Variants in DNAJC1 observed in about 807,000 individuals in gnomAD.
DNAJC1 encodes dnaJ homolog subfamily C member 1.
Under a neutral mutation model 76.6 loss-of-function variants are expected in DNAJC1, and 58 were observed. That is an observed-to-expected ratio of 0.76 (90% confidence interval 0.61 to 0.94). The LOEUF is 0.94. Among genes scored for constraint, DNAJC1 ranks in the 40% least tolerant of loss-of-function variants. DNAJC1 has a pLI of 0.00. For missense variants in DNAJC1, 689 were observed against 677.3 expected (o/e 1.02, Z -0.19); for synonymous variants, 258 against 267.9 (o/e 0.96, Z 0.36).
At chr10:21,794,922 T>C (rs1834735419) in intron 9 of DNAJC1, among the ~76,000 whole-genome samples, 1 of 152,182 alleles carries the variant, frequency 6.6e-6, no homozygotes, top group African/African-American at 2.4e-5. Flanking sequence ...CATTTTGTAA[T>C]ATCTGTATTC....
At chr10:21,885,306 T>A (rs1014189404) in intron 7 of DNAJC1, among the ~76,000 whole-genome samples, 6 of 152,118 alleles carry the variant, frequency 3.9e-5, no homozygotes, top group African/African-American at 1.4e-4. Flanking sequence ...TAAATATATA[T>A]GCACCCAACA....
chr10:21,940,504 G>A (rs1175453795), intron 1 of DNAJC1, among the ~76,000 whole-genome samples: 1 of 152,112 alleles, frequency 6.6e-6, no homozygotes, highest in African/African-American at 2.4e-5. Flanking sequence ...GAGAGTCAAG[G>A]TCAATAAGAA....
chr10:21,947,376 C>A (rs1779805522), intron 1 of DNAJC1, among the ~76,000 whole-genome samples: 1 of 152,140 alleles, frequency 6.6e-6, no homozygotes, highest in African/African-American at 2.4e-5. Flanking sequence ...GTTCCACTTC[C>A]TCCACCTCTT....
intron 1 of DNAJC1, among the ~76,000 whole-genome samples, chr10:21,962,649 C>CTT (rs775112321): frequency 5.3e-5 from 7 of 131,960 alleles, no homozygotes; most frequent in African/African-American, 1.1e-4. Flanking sequence ...TTTTCTTTTT[C>CTT]TTTTTTTTTT....
chr10:21,863,847 T>G (rs1291052248), intron 8 of DNAJC1, among the ~76,000 whole-genome samples: 1 of 152,156 alleles, frequency 6.6e-6, no homozygotes, highest in Non-Finnish European at 1.5e-5. Context: ...TAAGGGCATC[T>G]GTTAAAAGCC....
chr10:21,834,577 A>C (rs1350289793), intron 8 of DNAJC1, among the ~76,000 whole-genome samples: 1 of 152,174 alleles, frequency 6.6e-6, no homozygotes, highest in African/African-American at 2.4e-5. Flanking sequence ...CTAGTCAAAG[A>C]AAGCAGTGAC....
At chr10:21,819,859 G>A (rs1183814371) in intron 8 of DNAJC1, among the ~76,000 whole-genome samples, 2 of 152,172 alleles carry the variant, frequency 1.3e-5, no homozygotes, top group African/African-American at 2.4e-5. Context: ...GAGCCCAGGA[G>A]GCAGAGGTTG....
rs201992321 is a variant in DNAJC1, at chr10:21,806,111, T to G, written c.979-12A>C. The G allele has an allele frequency of 1.9e-6, 3 of 1,582,168 alleles. No homozygotes were observed. Among genetic ancestry groups the G allele is most frequent in the Non-Finnish European group, 2.6e-6 (3 of 1,164,504 alleles). ...GTCCATTCAGGTGCCTGCAAAACAT[T>G]AAAGAAAATAAAAAAAGATAATTGG... On this transcript the variant is annotated splice_polypyrimidine_tract_variant and intron_variant, in intron 8 of 11. Transcript: ENST00000376980.
At chr10:21,763,292 C>G (rs1428931488) in intron 10 of DNAJC1, among the ~76,000 whole-genome samples, 1 of 152,192 alleles carries the variant, frequency 6.6e-6, no homozygotes, top group South Asian at 2.1e-4. Flanking sequence ...CTTTCACATT[C>G]ATTGTTAAAA....
chr10:21,884,592 T>C (rs1836337626), intron 7 of DNAJC1, among the ~76,000 whole-genome samples: 1 of 152,150 alleles, frequency 6.6e-6, no homozygotes, highest in Admixed American at 6.5e-5. Flanking sequence ...GGTATGTATG[T>C]ATTTGTGTGT....
chr10:21,779,445 G>A (rs534607971), intron 9 of DNAJC1, among the ~76,000 whole-genome samples: 23 of 152,316 alleles, frequency 1.5e-4, no homozygotes, highest in Non-Finnish European at 2.8e-4. Flanking sequence ...TGCAATATCC[G>A]CTGTTCTGCA....
At chr10:21,869,974 T>C (rs965041102) in intron 8 of DNAJC1, among the ~76,000 whole-genome samples, 9 of 152,066 alleles carry the variant, frequency 5.9e-5, no homozygotes, top group Admixed American at 5.2e-4. Context: ...AAGTCAAGCA[T>C]GTAACTGACA....
chr10:21,975,886 A>G (rs1838053535), intron 1 of DNAJC1, among the ~76,000 whole-genome samples: 1 of 152,222 alleles, frequency 6.6e-6, no homozygotes, highest in Non-Finnish European at 1.5e-5. Context: ...ATTGATTACT[A>G]TTCAACTTTT....
At chr10:21,872,340 G>A (rs1241073450) in intron 8 of DNAJC1, among the ~76,000 whole-genome samples, 1 of 152,186 alleles carries the variant, frequency 6.6e-6, no homozygotes, top group East Asian at 1.9e-4. Flanking sequence ...AAAGTGCTGT[G>A]ATTACAGGCG....
chr10:21,931,771 T>C (rs1276172734), intron 1 of DNAJC1, among the ~76,000 whole-genome samples: 5 of 152,178 alleles, frequency 3.3e-5, no homozygotes, highest in Non-Finnish European at 5.9e-5. Context: ...GGCCTGAATG[T>C]TAGAACATTC....
intron 6 of DNAJC1, among the ~76,000 whole-genome samples, chr10:21,914,754 G>A (rs969870919): frequency 4.9e-4 from 74 of 152,222 alleles, no homozygotes; most frequent in African/African-American, 1.8e-3. Flanking sequence ...GATTTTATGG[G>A]AAGTACTGCA....
chr10:21,820,242 A>G (rs1164208707), intron 8 of DNAJC1, among the ~76,000 whole-genome samples: 1 of 152,190 alleles, frequency 6.6e-6, no homozygotes, highest in Non-Finnish European at 1.5e-5. Flanking sequence ...GTAGTAGCAT[A>G]TATCAGTACT....
rs574366222 is a variant in DNAJC1 at position 21,854,539 on chromosome 10, A to G, written c.978+27743T>C. On this transcript the variant is annotated intron_variant, in intron 8 of 11. Transcript: ENST00000376980. ...CATAATGTCATATTCCTAAGACAGA[A>G]GTGGTGCATTTAGAGATACAGGAAA... is the stretch of plus-strand genomic sequence containing the variant. Among the ~76,000 whole-genome samples, 22 of 152,284 alleles carry G rather than the reference A, an allele frequency of 1.4e-4. No individual in the cohort carries two copies. The South Asian group carries it at 4.6e-3, about 32-fold the overall frequency.
At chr10:21,865,149 T>C (rs189504561) in intron 8 of DNAJC1, among the ~76,000 whole-genome samples, 11 of 152,186 alleles carry the variant, frequency 7.2e-5, no homozygotes, top group East Asian at 5.8e-4. Context: ...CTCTAGAAAA[T>C]AGACTGGCAG....
Sources: gnomAD v4.1 joint callset for allele counts (sites outside exome capture counted in the v4.1 genomes callset) on GRCh38, gnomAD v4.1.1 for gene constraint, MANE v1.5 for transcripts, NCBI Gene and HGNC (gene_info 2026-07-23, HGNC 2026-07-21) for gene names.